TBL1X: variants seen among roughly 807,000 people sequenced by gnomAD.
TBL1X encodes the protein transducin beta like 1 X-linked.
Under a neutral mutation model 50.7 loss-of-function variants are expected in TBL1X, and 10 were observed. That is an observed-to-expected ratio of 0.20 (90% CI 0.12 to 0.33). The LOEUF is 0.33. TBL1X is among the 10% of genes least tolerant of loss of function. TBL1X has a pLI of 1.00. For missense variants in TBL1X, 340 were observed against 504.4 expected (o/e 0.67, Z 3.12); for synonymous variants, 190 against 214.7 (o/e 0.88, Z 1.01).
At chrX:9,707,394 C>G (rs768840741) in intron 13 of TBL1X, among the ~76,000 whole-genome samples, 1 of 112,558 alleles carries the variant, frequency 8.9e-6, no homozygotes, top group African/African-American at 3.2e-5. Context: ...TTTAATAGAG[C>G]TGTACACACT....
chrX:9,584,955 T>G (rs1431822497), intron 2 of TBL1X, among the ~76,000 whole-genome samples: 1 of 111,480 alleles, frequency 9.0e-6, no homozygotes, highest in Non-Finnish European at 1.9e-5. Flanking sequence ...CAAATGCCAC[T>G]AAATTGTACA....
At chrX:9,595,989 A>G (rs1000078296) in intron 2 of TBL1X, among the ~76,000 whole-genome samples, 1 of 112,679 alleles carries the variant, frequency 8.9e-6, no homozygotes, top group Non-Finnish European at 1.9e-5. Context: ...AGGAGAGCTA[A>G]AAATCAAATA....
intron 2 of TBL1X, among the ~76,000 whole-genome samples, chrX:9,520,316 CG>C (rs1346088720): frequency 9.0e-6 from 1 of 111,564 alleles, no homozygotes. Flanking sequence ...GACCGCCCCC[CG>C]CCCCCCACCG....
chrX:9,568,231 C>T (rs2082361843), intron 2 of TBL1X, among the ~76,000 whole-genome samples: 2 of 110,360 alleles, frequency 1.8e-5, no homozygotes, highest in Admixed American at 9.6e-5. Context: ...TGTGTCTGTG[C>T]AACGTGCTGT....
At chrX:9,617,285 G>A (rs2082644066) in intron 2 of TBL1X, among the ~76,000 whole-genome samples, 2 of 111,156 alleles carry the variant, frequency 1.8e-5, no homozygotes, top group Admixed American at 9.6e-5. Context: ...CTTGCCCACC[G>A]TCCTTCCACA....
At chrX:9,694,617 A>G (rs939699464) in intron 11 of TBL1X, among the ~76,000 whole-genome samples, 2 of 111,160 alleles carry the variant, frequency 1.8e-5, no homozygotes, top group East Asian at 5.7e-4. Flanking sequence ...AAAACAAGAC[A>G]AAACAATACA....
chrX:9,563,130 G>C (rs2082332321), intron 2 of TBL1X, among the ~76,000 whole-genome samples: 2 of 112,843 alleles, frequency 1.8e-5, no homozygotes, highest in Admixed American at 1.9e-4. Context: ...CTTGCGGAAA[G>C]ACACGGGGAG....
chrX:9,655,005 C>A (rs915472085), intron 5 of TBL1X, among the ~76,000 whole-genome samples: 1 of 110,780 alleles, frequency 9.0e-6, no homozygotes, highest in Admixed American at 9.6e-5. Context: ...CCTACCTGTT[C>A]AACTTAAACA....
chrX:9,499,535 G>A (rs1449510949), intron 1 of TBL1X, among the ~76,000 whole-genome samples: 1 of 112,325 alleles, frequency 8.9e-6, no homozygotes, highest in African/African-American at 3.2e-5. Context: ...ATTACTGCTG[G>A]TCAAGGGGGC....
intron 15 of TBL1X, among the ~76,000 whole-genome samples, chrX:9,710,718 G>A (rs1242042048): frequency 1.8e-5 from 2 of 112,069 alleles, no homozygotes; most frequent in Non-Finnish European, 3.8e-5. Flanking sequence ...GTATGTGGAT[G>A]TGATTGTATT....
At position 9,709,615 on chromosome X, in the gene TBL1X, G is replaced by C; in HGVS notation, c.1312-18G>C. The C allele has an allele frequency of 8.3e-7, 1 of 1,208,447 alleles. No individual in the cohort carries two copies. ...CAGGAATGGCTTTTGCTCATGTTGT[G>C]TCTGGTGTGTTCTGTAGATCTGGAG... is the stretch of plus-strand genomic sequence containing the variant. On this transcript the variant is annotated intron_variant, in intron 14 of 17. Transcript: ENST00000645353.
chrX:9,518,940 A>G (rs1201109390), intron 2 of TBL1X, among the ~76,000 whole-genome samples: 2 of 110,619 alleles, frequency 1.8e-5, no homozygotes, highest in African/African-American at 6.6e-5. Context: ...TTTTACATGG[A>G]CAGCCTTCTG....
intron 17 of TBL1X, among the ~76,000 whole-genome samples, chrX:9,715,839 GC>G (rs76240716): frequency 0.32 from 35,974 of 110,801 alleles, 5,018 homozygotes; most frequent in African/African-American, 0.52. Context: ...GGGGCAAGCG[GC>G]CGTTCTGGCT....
intron 2 of TBL1X, among the ~76,000 whole-genome samples, chrX:9,573,810 C>T (rs922331137): frequency 8.9e-6 from 1 of 112,850 alleles, no homozygotes; most frequent in African/African-American, 3.2e-5. Context: ...TGGGCATGGG[C>T]CGGGGCACGC....
rs1236622341 is a variant in TBL1X at position 9,691,580 on chromosome X, T to A, written c.618T>A (p.Asn206Lys). ...NGEENRAHSV[N>K]NHAKPMEIDG... ...GTCTCTTTGTGTTTGCTGTGACAGA[T>A]AATCACGCGAAGCCAATGGAAATAG... Residue 206 changes from asparagine to lysine, a missense_variant and splice_region_variant, in exon 8 of 18, where the codon AAT becomes AAA. This residue lies in a region of TBL1X where 99 missense variants were observed against 93.3 expected (regional missense o/e 1.06). Coordinates refer to ENST00000645353, the MANE Select transcript of TBL1X (RefSeq NM_005647.4). 8.3e-7 allele frequency: 1 copy of A among 1,210,737 alleles called. No homozygotes were observed. The highest frequency in any genetic ancestry group is 1.8e-5 in the South Asian group (1 of 56,752).
At chrX:9,590,584 C>T (rs1179643487) in intron 2 of TBL1X, among the ~76,000 whole-genome samples, 1 of 111,980 alleles carries the variant, frequency 8.9e-6, no homozygotes, top group Non-Finnish European at 1.9e-5. Context: ...AGTCAGGATT[C>T]GTTTTGCATT....
chrX:9,711,931 C>A (rs976788052), intron 16 of TBL1X, among the ~76,000 whole-genome samples, 155 bp downstream of exon 16: 1 of 112,457 alleles, frequency 8.9e-6, no homozygotes, highest in Non-Finnish European at 1.9e-5. Flanking sequence ...GTGCACCCCA[C>A]GTGGGCTGTC....
chrX:9,654,369 T>TTA, intron 5 of TBL1X, 47 bp downstream of exon 5: 24 of 1,145,965 alleles, frequency 2.1e-5, no homozygotes, highest in Non-Finnish European at 2.9e-5. Flanking sequence ...CTACAGCATC[T>TTA]TACAAGCAGA....
chrX:9,683,186 C>T (rs1457688271), intron 5 of TBL1X, among the ~76,000 whole-genome samples: 1 of 111,956 alleles, frequency 8.9e-6, no homozygotes, highest in Non-Finnish European at 1.9e-5. Flanking sequence ...TTCCTCATCA[C>T]CCCCAGACCT....
Sources: allele counts gnomAD v4.1 joint callset (sites outside exome capture counted in the v4.1 genomes callset), GRCh38; gene constraint gnomAD v4.1.1; regional missense constraint gnomAD v4.1.1; transcripts MANE v1.5; gene names NCBI Gene and HGNC (gene_info 2026-07-23, HGNC 2026-07-21).